Variants in SDC2 observed in about 807,000 individuals in gnomAD.
SDC2 encodes syndecan-2.
In SDC2, 13 loss-of-function variants were observed where a neutral mutation model predicts 22.2. The observed-to-expected ratio is 0.59, with a 90% CI of 0.38 to 0.93. The LOEUF (loss-of-function observed/expected upper bound fraction) is 0.93, where lower values mean the gene tolerates loss of function less well. Among genes scored for constraint, SDC2 ranks in the 40% least tolerant of loss-of-function variants. SDC2 has a pLI of 0.00. For missense variants in SDC2, 235 were observed against 246.8 expected, an observed-to-expected ratio of 0.95 and a Z score of 0.32; for synonymous variants, 94 against 92.8, an observed-to-expected ratio of 1.01 and a Z score of -0.07.
intron 1 of SDC2, among the ~76,000 whole-genome samples, chr8:96,576,282 A>G (rs1001181972): frequency 2.0e-5 from 3 of 150,804 alleles, no homozygotes; most frequent in African/African-American, 7.3e-5. Flanking sequence ...CTGCCTTCCA[A>G]CTTTTAAATT....
rs927746165 is a variant in SDC2, at chr8:96,575,303, G to T, written c.61-18177G>T. ...AGGTAACGAATGAAAAAACCTGAAA[G>T]AATTGTGAGATCCACCTGGTAGGTG... On this transcript the variant is annotated intron_variant, in intron 1 of 4. Transcript: ENST00000302190. 5.1e-5 allele frequency among the ~76,000 whole-genome samples: 7 copies of T among 136,878 alleles called. No homozygotes were observed. The East Asian group carries it at 1.7e-3, about 33-fold the overall frequency. The allele number at this position is 136,878 out of a possible 152,430, so 89.8% of individuals were successfully genotyped here.
chr8:96,561,460 C>T (rs1221848362), intron 1 of SDC2, among the ~76,000 whole-genome samples: 1 of 152,180 alleles, frequency 6.6e-6, no homozygotes, highest in Non-Finnish European at 1.5e-5. Context: ...CTTGTATAAA[C>T]AAGCATTGGA....
chr8:96,606,953 C>G (rs1232998798), intron 3 of SDC2, among the ~76,000 whole-genome samples: 1 of 152,152 alleles, frequency 6.6e-6, no homozygotes, highest in Non-Finnish European at 1.5e-5. Context: ...AGGAACCAGG[C>G]TGCACAGCAG....
At chr8:96,558,195 A>G (rs1173946868) in intron 1 of SDC2, among the ~76,000 whole-genome samples, 1 of 151,836 alleles carries the variant, frequency 6.6e-6, no homozygotes, top group African/African-American at 2.4e-5. Context: ...TGGTGAGTGG[A>G]TATAGGGTGA....
At chr8:96,576,605 G>T (rs987392494) in intron 1 of SDC2, among the ~76,000 whole-genome samples, 1 of 143,020 alleles carries the variant, frequency 7.0e-6, no homozygotes, top group Non-Finnish European at 1.5e-5. Context: ...ATTTTTAGTA[G>T]AGACGGGGTT....
At chr8:96,531,564 T>A (rs942059271) in intron 1 of SDC2, among the ~76,000 whole-genome samples, 3 of 152,218 alleles carry the variant, frequency 2.0e-5, no homozygotes, top group African/African-American at 4.8e-5. Flanking sequence ...ACTTGTATGC[T>A]GGCAGTTGCC....
At chr8:96,519,801 G>A (rs918583928) in intron 1 of SDC2, among the ~76,000 whole-genome samples, 1 of 151,960 alleles carries the variant, frequency 6.6e-6, no homozygotes, top group African/African-American at 2.4e-5. Flanking sequence ...GCATGGCTCG[G>A]TTTTTATATT....
chr8:96,501,309 T>C (rs1813160856), intron 1 of SDC2, among the ~76,000 whole-genome samples: 1 of 133,444 alleles, frequency 7.5e-6, no homozygotes, highest in Admixed American at 7.5e-5. Flanking sequence ...TTTTTTTTTT[T>C]TTTTTTTTTT....
chr8:96,598,153 C>T (rs948015504), intron 2 of SDC2, among the ~76,000 whole-genome samples: 2 of 152,040 alleles, frequency 1.3e-5, no homozygotes, highest in East Asian at 1.9e-4. Flanking sequence ...AAACAGTGTC[C>T]CTCAAGCCTC....
intron 1 of SDC2, among the ~76,000 whole-genome samples, chr8:96,542,270 G>T (rs1393379106): frequency 6.6e-6 from 1 of 152,076 alleles, no homozygotes; most frequent in African/African-American, 2.4e-5. Context: ...CACTTGTAAG[G>T]CCTTTATTTG....
intron 1 of SDC2, among the ~76,000 whole-genome samples, chr8:96,515,971 G>T (rs1813395842): frequency 6.6e-6 from 1 of 152,076 alleles, no homozygotes; most frequent in Non-Finnish European, 1.5e-5. Context: ...ACCCAGTGTT[G>T]GGCTGGAAGG....
intron 1 of SDC2, among the ~76,000 whole-genome samples, chr8:96,559,743 C>T (rs1563661453): frequency 6.6e-6 from 1 of 152,184 alleles, no homozygotes; most frequent in East Asian, 1.9e-4. Flanking sequence ...AAATGAAACT[C>T]AAGAATTCTT....
intron 1 of SDC2, among the ~76,000 whole-genome samples, chr8:96,558,487 T>C (rs753561959): frequency 2.0e-5 from 3 of 152,224 alleles, no homozygotes; most frequent in Admixed American, 6.5e-5. Flanking sequence ...TGAGATAGTC[T>C]TAAGGTTCTC....
At chr8:96,604,080 A>C (rs893433981) in intron 3 of SDC2, among the ~76,000 whole-genome samples, 1 of 152,190 alleles carries the variant, frequency 6.6e-6, no homozygotes, top group Non-Finnish European at 1.5e-5. Flanking sequence ...TTATTTGACC[A>C]CTTCTCTTGA....
intron 1 of SDC2, among the ~76,000 whole-genome samples, chr8:96,542,499 A>G (rs1000474350): frequency 1.3e-5 from 2 of 152,136 alleles, no homozygotes; most frequent in Non-Finnish European, 2.9e-5. Flanking sequence ...TGAAGGCTAG[A>G]TAGTCTTCTG....
At chr8:96,554,540 G>A (rs556270081) in intron 1 of SDC2, among the ~76,000 whole-genome samples, 1 of 152,028 alleles carries the variant, frequency 6.6e-6, no homozygotes, top group East Asian at 1.9e-4. Flanking sequence ...CTTTATCTTT[G>A]CAGATCAATT....
At chr8:96,496,957 G>A (rs534728038) in intron 1 of SDC2, among the ~76,000 whole-genome samples, 1 of 152,336 alleles carries the variant, frequency 6.6e-6, no homozygotes, top group East Asian at 1.9e-4. Flanking sequence ...CTGACTGAGT[G>A]TGGCAGTAGT....
At chr8:96,519,205 A>G (rs1813456131) in intron 1 of SDC2, among the ~76,000 whole-genome samples, 1 of 152,172 alleles carries the variant, frequency 6.6e-6, no homozygotes, top group Non-Finnish European at 1.5e-5. Flanking sequence ...CAGAGTGCCC[A>G]GAGTGCAGTG....
At chr8:96,605,950 T>A (rs1046223489) in intron 3 of SDC2, among the ~76,000 whole-genome samples, 8 of 152,162 alleles carry the variant, frequency 5.3e-5, no homozygotes, top group Non-Finnish European at 1.2e-4. Flanking sequence ...CTTCTTACAC[T>A]CTTTAAGCCT....
Sources: allele counts gnomAD v4.1 joint callset (sites outside exome capture counted in the v4.1 genomes callset), GRCh38; gene constraint gnomAD v4.1.1; transcripts MANE v1.5; gene names NCBI Gene and HGNC (gene_info 2026-07-23, HGNC 2026-07-21).